PIEZO2: variants seen among roughly 807,000 people sequenced by gnomAD.
The protein encoded by PIEZO2 is piezo type mechanosensitive ion channel component 2.
In PIEZO2, 172 loss-of-function variants were observed where a neutral mutation model predicts 337.3. The observed-to-expected ratio is 0.51, with a 90% CI of 0.45 to 0.58. PIEZO2 has a LOEUF of 0.58. Ranked by LOEUF, PIEZO2 falls within the 20% of genes least tolerant of loss-of-function variation. The pLI is 0.00. For synonymous variants in PIEZO2, 1,251 were observed against 1,228.5 expected (o/e 1.02, Z -0.38); for missense variants, 3,028 against 3,391.3 (o/e 0.89, Z 2.66).
intron 2 of PIEZO2, among the ~76,000 whole-genome samples, chr18:11,050,298 A>AATC: frequency 6.6e-6 from 1 of 152,300 alleles, no homozygotes. Flanking sequence ...TAATAATAAT[A>AATC]ATAAGCCTAA....
At chr18:10,720,395 GTGTGTGTGTA>G (rs1188081101) in intron 36 of PIEZO2, among the ~76,000 whole-genome samples, 4 of 23,164 alleles carry the variant, frequency 1.7e-4, no homozygotes, top group African/African-American at 2.3e-4. Flanking sequence ...GTGTGTGTGT[GTGTGTGTGTA>G]TGTGTATGTG....
chr18:10,761,416 A>G (rs1286185576), intron 23 of PIEZO2, among the ~76,000 whole-genome samples: 2 of 152,196 alleles, frequency 1.3e-5, no homozygotes, highest in East Asian at 3.9e-4. Flanking sequence ...TTATCCAAGG[A>G]GGGCAGTTCA....
chr18:10,984,782 G>A (rs2034805147), intron 2 of PIEZO2, among the ~76,000 whole-genome samples: 1 of 152,056 alleles, frequency 6.6e-6, no homozygotes, highest in South Asian at 2.1e-4. Context: ...GGTCTTCATA[G>A]AAAAGCATTA....
intron 2 of PIEZO2, among the ~76,000 whole-genome samples, chr18:11,063,845 C>T (rs1429525158): frequency 2.0e-5 from 3 of 152,140 alleles, no homozygotes; most frequent in Non-Finnish European, 2.9e-5. Context: ...TATGCTTGAA[C>T]CTGAGTTTTC....
At chr18:11,039,951 C>T (rs1271162370) in intron 2 of PIEZO2, among the ~76,000 whole-genome samples, 4 of 152,162 alleles carry the variant, frequency 2.6e-5, no homozygotes, top group African/African-American at 9.7e-5. Context: ...GACACACAGA[C>T]TCTGCTTTTT....
In PIEZO2 at chr18:10,794,748, T is replaced by A; in HGVS notation, c.1758+24A>T. On this transcript the variant is annotated intron_variant, in intron 13 of 55. Transcript: ENST00000674853. The surrounding 1 kb of genome is among the most constrained non-coding windows in gnomAD (Gnocchi z 6.6). ...ATTGTGGTTTTGTGTCATTGTTTTG[T>A]TTTATTGTATTCTATTCACTTACTT... 1 of 1,445,692 alleles carries A rather than the reference T, an allele frequency of 6.9e-7. No homozygotes were observed. Among genetic ancestry groups the A allele is most frequent in the Non-Finnish European group, 9.3e-7 (1 of 1,078,944 alleles). The allele number at this position is 1,445,692 out of a possible 1,614,324, so 89.6% of individuals were successfully genotyped here.
intron 39 of PIEZO2, among the ~76,000 whole-genome samples, chr18:10,711,200 C>T (rs185886669): frequency 6.6e-6 from 1 of 152,166 alleles, no homozygotes; most frequent in Admixed American, 6.5e-5. Context: ...GTTGTTTTTC[C>T]TCCTTAATTG....
rs971413151 is a variant in PIEZO2, at chr18:11,003,620, G to A, written c.161-23960C>T. Among the ~76,000 whole-genome samples the A allele has an allele frequency of 6.6e-6, 1 of 152,214 alleles. No individual in the cohort carries two copies. Among genetic ancestry groups the A allele is most frequent in the Non-Finnish European group, 1.5e-5 (1 of 68,032 alleles). The stretch of plus-strand genomic sequence containing the variant: ...CTTAACCTGGAAGTTCAGGGCACCA[G>A]GCGGGCATCAGGCGGGCACCAGCCC... On this transcript the variant is annotated intron_variant, in intron 2 of 55. Coordinates refer to ENST00000674853, the MANE Select transcript of PIEZO2 (RefSeq NM_001378183.1). This position sits in a 1 kb window ranked among gnomAD's most constrained non-coding sequence, Gnocchi z 4.6.
In PIEZO2 at chr18:10,929,367, T is replaced by C. The variant is rs866122910; in HGVS notation, c.287-18139A>G. On this transcript the variant is annotated intron_variant, in intron 3 of 55. Transcript: ENST00000674853. The surrounding 1 kb of genome is among the most constrained non-coding windows in gnomAD (Gnocchi z 5.6). ...GTGACTGAGGCAATTCATAATGCTA[T>C]GAATTCCAGACCAGCGCAAAGAAAC... Among the ~76,000 whole-genome samples the C allele has an allele frequency of 1.3e-5, 2 of 152,352 alleles. No homozygotes were observed. Among genetic ancestry groups the C allele is most frequent in the South Asian group, 4.1e-4 (2 of 4,824 alleles).
intron 7 of PIEZO2, among the ~76,000 whole-genome samples, chr18:10,845,360 G>A (rs561293334): frequency 1.3e-5 from 2 of 152,124 alleles, no homozygotes; most frequent in African/African-American, 4.8e-5. Context: ...ATGGTGGTTA[G>A]GCTTTTAAGA....
At chr18:10,831,648 C>A (rs968205442) in intron 7 of PIEZO2, among the ~76,000 whole-genome samples, 1 of 152,084 alleles carries the variant, frequency 6.6e-6, no homozygotes, top group Non-Finnish European at 1.5e-5. Context: ...AAGAGTAGAA[C>A]TGAAATGTTT....
At chr18:11,029,482 C>T (rs552018720) in intron 2 of PIEZO2, among the ~76,000 whole-genome samples, 6 of 152,284 alleles carry the variant, frequency 3.9e-5, no homozygotes, top group Admixed American at 2.0e-4. Flanking sequence ...ACCCCTTAGG[C>T]GGCTCCCTCC....
Position 11,096,206 on chromosome 18 carries a change from G to A in PIEZO2, c.65-29984C>T, listed in dbSNP as rs368066553. ...GGGGTGTGGCCACCTAGAGCCCTGG[G>A]GTGAAGAAGCCATGAGAAGGACCAC... On this transcript the variant is annotated intron_variant, in intron 1 of 55. Transcript: ENST00000674853. This position sits in a 1 kb window ranked among gnomAD's most constrained non-coding sequence, Gnocchi z 4.6. Among the ~76,000 whole-genome samples the A allele has an allele frequency of 5.5e-4, 84 of 152,362 alleles. No homozygotes were observed. Among genetic ancestry groups the A allele is most frequent in the Middle Eastern group, 3.4e-3 (1 of 294 alleles).
In PIEZO2 at chr18:10,714,680, C is replaced by T. The variant is rs765931124; in HGVS notation, c.5423+84G>A. 3.5e-5 allele frequency: 50 copies of T among 1,447,654 alleles called. 1 individual carries two copies. The highest frequency in any genetic ancestry group is 7.0e-5 in the African/African-American group (5 of 71,308). 89.7% of individuals were successfully genotyped at this position (1,447,654 alleles called of 1,614,324 possible). A position where few individuals can be genotyped will look rare whatever the true frequency, so the allele number is the denominator to read the frequency against. Reference sequence around the variant, plus strand: ...ATGCATGGTTTTGATGAACTTTCACCTCACACATTCATTTCTTATATTTGA... The same window carrying T: ...ATGCATGGTTTTGATGAACTTTCACTTCACACATTCATTTCTTATATTTGA... On this transcript the variant is annotated intron_variant, in intron 39 of 55. Transcript: ENST00000674853.
chr18:10,891,040 A>G (rs1029182379), intron 4 of PIEZO2, among the ~76,000 whole-genome samples: 3 of 152,248 alleles, frequency 2.0e-5, no homozygotes, highest in African/African-American at 7.2e-5. Context: ...CAAAACAGAA[A>G]GTGCATTGCT....
chr18:10,848,277 T>C (rs1370989207), intron 7 of PIEZO2, among the ~76,000 whole-genome samples: 1 of 152,250 alleles, frequency 6.6e-6, no homozygotes. Flanking sequence ...TCCTTGCATA[T>C]AATTGATATT....
chr18:10,941,416 G>C (rs563353689), intron 3 of PIEZO2, among the ~76,000 whole-genome samples: 22 of 152,104 alleles, frequency 1.4e-4, no homozygotes, highest in Non-Finnish European at 1.9e-4. Context: ...GACCCTAAAG[G>C]GTTGCTTGTT....
At chr18:10,936,655 A>G (rs2145222545) in intron 3 of PIEZO2, among the ~76,000 whole-genome samples, 1 of 152,330 alleles carries the variant, frequency 6.6e-6, no homozygotes, top group South Asian at 2.1e-4. Flanking sequence ...CTAGAATTCC[A>G]GTGCTTGAAT....
intron 32 of PIEZO2, among the ~76,000 whole-genome samples, chr18:10,742,142 G>A (rs1218908326): frequency 6.6e-6 from 1 of 152,052 alleles, no homozygotes; most frequent in Non-Finnish European, 1.5e-5. Context: ...GGGACAGAGC[G>A]AGACTCCGTC....
Sources: gnomAD v4.1 joint callset for allele counts (sites outside exome capture counted in the v4.1 genomes callset) on GRCh38, gnomAD v4.1.1 for gene constraint, Gnocchi (gnomAD v3.1) non-coding constraint, MANE v1.5 for transcripts, NCBI Gene and HGNC (gene_info 2026-07-23, HGNC 2026-07-21) for gene names.